RBFOX1: variants seen among roughly 807,000 people sequenced by gnomAD.
RBFOX1 encodes the protein RNA binding protein fox-1 homolog 1.
RBFOX1 carries 8 observed loss-of-function variants against 57.7 expected under a neutral mutation model. The ratio of observed to expected loss-of-function variants is 0.14; its 90% confidence interval spans 0.08 to 0.25. RBFOX1 has a LOEUF of 0.25. Ranked by LOEUF, RBFOX1 falls within the 10% of genes least tolerant of loss-of-function variation. The probability of loss-of-function intolerance (pLI) is 1.00; values close to 1 mark genes in which losing one functional copy is unlikely to be tolerated. For missense variants in RBFOX1, 611 were observed against 548.5 expected (o/e 1.11, Z -1.14); for synonymous variants, 326 against 222.4 (o/e 1.47, Z -4.15).
At chr16:6,798,004 GGATGAT>G (rs368627689) in intron 3 of RBFOX1, among the ~76,000 whole-genome samples, 12 of 151,898 alleles carry the variant, frequency 7.9e-5, no homozygotes, top group Admixed American at 1.3e-4. Flanking sequence ...ATGGGAATAG[GGATGAT>G]GATGATGATG....
chr16:7,076,488 A>C (rs1418726576), intron 4 of RBFOX1, among the ~76,000 whole-genome samples: 1 of 152,186 alleles, frequency 6.6e-6, no homozygotes, highest in Admixed American at 6.6e-5. Context: ...GAAGTGTAAA[A>C]TATTTTCATA....
chr16:6,902,815 T>G (rs1224625409), intron 3 of RBFOX1, among the ~76,000 whole-genome samples: 2 of 152,180 alleles, frequency 1.3e-5, no homozygotes, highest in Non-Finnish European at 1.5e-5. Context: ...TTTAACATTA[T>G]CCATGATTGT....
chr16:6,861,647 G>A (rs983744215), intron 3 of RBFOX1, among the ~76,000 whole-genome samples: 2 of 152,116 alleles, frequency 1.3e-5, no homozygotes, highest in East Asian at 3.9e-4. Context: ...CAATATTACA[G>A]ACTTGGCATG....
At chr16:7,639,233 G>C (rs2062332314) in intron 11 of RBFOX1, among the ~76,000 whole-genome samples, 1 of 152,140 alleles carries the variant, frequency 6.6e-6, no homozygotes, top group South Asian at 2.1e-4. Context: ...GTCTTACCCA[G>C]GATCTTCTGT....
At chr16:5,413,189 G>A (rs916066435) in intron 1 of RBFOX1, among the ~76,000 whole-genome samples, 1 of 152,118 alleles carries the variant, frequency 6.6e-6, no homozygotes, top group African/African-American at 2.4e-5. Context: ...AGAAAGTGGG[G>A]TGCCTCTTAA....
chr16:5,247,527 C>G (rs2151070486), intron 1 of RBFOX1, among the ~76,000 whole-genome samples: 1 of 152,266 alleles, frequency 6.6e-6, no homozygotes, highest in South Asian at 2.1e-4. Context: ...ATGGATGGGT[C>G]CTTGGAGATC....
chr16:6,683,734 C>T (rs1202635045), intron 3 of RBFOX1, among the ~76,000 whole-genome samples: 1 of 152,162 alleles, frequency 6.6e-6, no homozygotes, highest in African/African-American at 2.4e-5. Context: ...TGGTGAGACG[C>T]AGTTCAGGTA....
chr16:6,771,384 C>T (rs892640716), intron 3 of RBFOX1, among the ~76,000 whole-genome samples: 1 of 152,190 alleles, frequency 6.6e-6, no homozygotes, highest in African/African-American at 2.4e-5. Context: ...ACAGATCTTT[C>T]TGACGCCTAA....
rs542875012 is a variant in RBFOX1, at chr16:6,509,355, A to G, written c.-63-145248A>G. ...ACACAGTGGACTACTATTCAGCTAT[A>G]AAAAGAATGAGATCCTGTCATTTGC... On this transcript the variant is annotated intron_variant, in intron 2 of 15. Coordinates refer to ENST00000550418, the MANE Select transcript of RBFOX1 (RefSeq NM_018723.4). Among the ~76,000 whole-genome samples the G allele has an allele frequency of 1.7e-4, 26 of 152,362 alleles. No homozygotes were observed. In the South Asian group the frequency reaches 5.4e-3, roughly 32 times the overall value.
At chr16:6,936,009 T>C (rs976987256) in intron 3 of RBFOX1, among the ~76,000 whole-genome samples, 6 of 152,142 alleles carry the variant, frequency 3.9e-5, no homozygotes, top group African/African-American at 1.2e-4. Flanking sequence ...ATGAGCTAAG[T>C]TTGGATAATG....
intron 1 of RBFOX1, among the ~76,000 whole-genome samples, chr16:6,194,503 A>C (rs1567653993): frequency 6.6e-6 from 1 of 152,196 alleles, no homozygotes; most frequent in Non-Finnish European, 1.5e-5. Flanking sequence ...TTTACAGTTC[A>C]GTGCACGTAA....
At position 6,157,303 on chromosome 16, in the gene RBFOX1, GCCC is replaced by G. The variant is rs758217471; in HGVS notation, c.-127+137312_-127+137314del. On this transcript the variant is annotated intron_variant, in intron 1 of 15. Coordinates refer to ENST00000550418, the MANE Select transcript of RBFOX1 (RefSeq NM_018723.4). The stretch of plus-strand genomic sequence containing the variant: ...GCCAAGGTAAGCCCAGAAACCATTT[GCCC>G]TACTTCTCTGGGCAAATGGTTGCCA... Among the ~76,000 whole-genome samples the G allele has an allele frequency of 2.4e-3, 359 of 152,206 alleles. 1 individual carries two copies. The highest frequency in any genetic ancestry group is 3.7e-3 in the Admixed American group (56 of 15,278).
intron 4 of RBFOX1, 39 bp from the exon 5 acceptor site, chr16:7,518,108 T>G (rs761993722): frequency 6.3e-7 from 1 of 1,583,102 alleles, no homozygotes; most frequent in Admixed American, 1.7e-5. Context: ...TGGCTCCTCA[T>G]GACGTTCTCT....
At chr16:7,173,808 C>G (rs1411895642) in intron 4 of RBFOX1, among the ~76,000 whole-genome samples, 1 of 152,144 alleles carries the variant, frequency 6.6e-6, no homozygotes, top group Non-Finnish European at 1.5e-5. Context: ...ATTCTTTATC[C>G]CAATGTCATA....
intron 1 of RBFOX1, among the ~76,000 whole-genome samples, chr16:5,417,803 G>C (rs951994239): frequency 2.6e-5 from 4 of 152,282 alleles, no homozygotes; most frequent in Non-Finnish European, 4.4e-5. Context: ...TGAAATGGCC[G>C]GGTGTGGTGG....
At chr16:5,772,252 G>A (rs1265759405) in intron 3 of RBFOX1, among the ~76,000 whole-genome samples, 1 of 152,288 alleles carries the variant, frequency 6.6e-6, no homozygotes. Flanking sequence ...GCCGGAAGAA[G>A]AGCATCCACA....
At chr16:6,482,494 C>T (rs563997782) in intron 2 of RBFOX1, among the ~76,000 whole-genome samples, 1 of 152,200 alleles carries the variant, frequency 6.6e-6, no homozygotes, top group East Asian at 1.9e-4. Flanking sequence ...TCTATGAGGA[C>T]TTCTTGGGAA....
intron 4 of RBFOX1, among the ~76,000 whole-genome samples, chr16:5,948,294 A>T (rs1313518544): frequency 1.3e-5 from 2 of 152,092 alleles, no homozygotes; most frequent in African/African-American, 4.8e-5. Context: ...GTTCAAGGAG[A>T]GGAGAGGACC....
At chr16:5,544,751 A>G (rs1248413376) in intron 2 of RBFOX1, among the ~76,000 whole-genome samples, 1 of 152,128 alleles carries the variant, frequency 6.6e-6, no homozygotes, top group East Asian at 1.9e-4. Flanking sequence ...ATAATATGGG[A>G]ATATTGTGAA....
Sources: allele counts gnomAD v4.1 joint callset (sites outside exome capture counted in the v4.1 genomes callset), GRCh38; gene constraint gnomAD v4.1.1; transcripts MANE v1.5; gene names NCBI Gene and HGNC (gene_info 2026-07-23, HGNC 2026-07-21).